ZFAND3: variants seen among roughly 807,000 people sequenced by gnomAD.
ZFAND3 encodes the protein AN1-type zinc finger protein 3.
ZFAND3 carries 10 observed loss-of-function variants against 29.6 expected under a neutral mutation model. The ratio of observed to expected loss-of-function variants is 0.34; its 90% CI spans 0.21 to 0.57. The LOEUF is 0.57. Ranked by LOEUF, ZFAND3 falls within the 20% of genes least tolerant of loss-of-function variation. The probability of loss-of-function intolerance (pLI) is 0.86; values close to 1 mark genes in which losing one functional copy is unlikely to be tolerated. For synonymous variants in ZFAND3, 128 were observed against 112.6 expected (o/e 1.14, Z -0.87); for missense variants, 230 against 304.5 (o/e 0.76, Z 1.82).
At chr6:37,861,472 T>C (rs541305215) in intron 1 of ZFAND3, among the ~76,000 whole-genome samples, 1 of 151,852 alleles carries the variant, frequency 6.6e-6, no homozygotes, top group African/African-American at 2.4e-5. Context: ...AGTAGGAAAT[T>C]AGTGTAATTT....
intron 4 of ZFAND3, among the ~76,000 whole-genome samples, 172 bp from the exon 5 acceptor site, chr6:38,116,400 G>T (rs568965301): frequency 2.6e-5 from 4 of 152,290 alleles, no homozygotes; most frequent in African/African-American, 7.2e-5. Context: ...AAAGGTACAC[G>T]TTTGTCATAG....
intron 2 of ZFAND3, among the ~76,000 whole-genome samples, chr6:38,030,057 T>TGG (rs1763525901): frequency 4.8e-5 from 1 of 20,912 alleles, no homozygotes; most frequent in African/African-American, 1.9e-4. Context: ...GCTGGATATA[T>TGG]ATATATATAT....
At chr6:37,871,360 A>G (rs1462362371) in intron 1 of ZFAND3, among the ~76,000 whole-genome samples, 2 of 152,140 alleles carry the variant, frequency 1.3e-5, no homozygotes, top group Admixed American at 1.3e-4. Flanking sequence ...TTAAGAGACT[A>G]TTTTACTCTT....
intron 2 of ZFAND3, among the ~76,000 whole-genome samples, chr6:38,036,014 G>T (rs965349761): frequency 4.6e-5 from 7 of 152,170 alleles, no homozygotes; most frequent in African/African-American, 1.7e-4. Flanking sequence ...CCATGTTATG[G>T]AAAGTCTCCT....
chr6:37,940,885 G>A (rs9470731), intron 2 of ZFAND3, among the ~76,000 whole-genome samples: 4,527 of 152,298 alleles, frequency 0.03, 177 homozygotes, highest in African/African-American at 0.086. Context: ...AGATATTTTA[G>A]TAGTGGAACA....
intron 2 of ZFAND3, among the ~76,000 whole-genome samples, chr6:38,047,141 A>G (rs900442066): frequency 6.6e-6 from 1 of 151,870 alleles, no homozygotes; most frequent in African/African-American, 2.4e-5. Context: ...ACATGGTGAA[A>G]CCCCGTTTCT....
intron 2 of ZFAND3, among the ~76,000 whole-genome samples, chr6:38,004,543 A>G (rs958512424): frequency 8.7e-4 from 132 of 150,930 alleles, no homozygotes; most frequent in African/African-American, 3.1e-3. Context: ...CTACACACAC[A>G]CACACACACA....
chr6:37,953,505 T>C (rs1581788705), intron 2 of ZFAND3, among the ~76,000 whole-genome samples: 1 of 141,522 alleles, frequency 7.1e-6, no homozygotes, highest in Non-Finnish European at 1.5e-5. Flanking sequence ...GAGGCTGGAG[T>C]GCAGTGGTGT....
intron 2 of ZFAND3, among the ~76,000 whole-genome samples, chr6:37,985,529 C>CACACACACACACACACA (rs33984396): frequency 5.2e-4 from 47 of 89,752 alleles, no homozygotes; most frequent in African/African-American, 1.5e-3. Flanking sequence ...ACACACACAC[C>CACACACACACACACACA]CCCACACACG....
chr6:38,008,859 G>C (rs2127442731), intron 2 of ZFAND3, among the ~76,000 whole-genome samples: 1 of 150,624 alleles, frequency 6.6e-6, no homozygotes, highest in Non-Finnish European at 1.5e-5. Flanking sequence ...GCTGTGATCT[G>C]TAAAAAAAAA....
At position 38,144,192 on chromosome 6, in the gene ZFAND3, T is replaced by TTATATATATATATA. The variant is rs1562015751; in HGVS notation, c.530-8043_530-8042insTATATATATATATA. On this transcript the variant is annotated intron_variant, in intron 5 of 5. Coordinates refer to ENST00000287218, the MANE Select transcript of ZFAND3 (RefSeq NM_021943.3). The stretch of plus-strand genomic sequence containing the variant: ...ATGTGATATATATATATAATATATA[T>TTATATATATATATA]ATATATATATATATATATAATATAT... Among the ~76,000 whole-genome samples the TTATATATATATATA allele has an allele frequency of 5.4e-4, 22 of 40,762 alleles. 2 individuals are homozygous for TTATATATATATATA. The highest frequency in any genetic ancestry group is 3.0e-3 in the African/African-American group (22 of 7,232). 26.7% of individuals were successfully genotyped at this position (40,762 alleles called of 152,430 possible).
chr6:38,077,852 T>A (rs1323522682), intron 3 of ZFAND3, among the ~76,000 whole-genome samples: 1 of 152,216 alleles, frequency 6.6e-6, no homozygotes. Context: ...GTTCTTGACT[T>A]CCTCCTTGAG....
At chr6:38,141,355 C>T (rs781681634) in intron 5 of ZFAND3, among the ~76,000 whole-genome samples, 27 of 152,200 alleles carry the variant, frequency 1.8e-4, no homozygotes, top group Non-Finnish European at 2.6e-4. Flanking sequence ...AACTTGGCAA[C>T]ACATGCTCTG....
At chr6:37,960,013 A>G (rs1762165284) in intron 2 of ZFAND3, among the ~76,000 whole-genome samples, 4 of 152,334 alleles carry the variant, frequency 2.6e-5, no homozygotes, top group African/African-American at 7.2e-5. Flanking sequence ...CTTAAAGTCT[A>G]ATTGGGGAGG....
chr6:37,854,754 A>G (rs1057491148), intron 1 of ZFAND3, among the ~76,000 whole-genome samples: 1 of 130,804 alleles, frequency 7.6e-6, no homozygotes, highest in Non-Finnish European at 1.6e-5. Context: ...GAGACTACAT[A>G]GGCTAAAATG....
chr6:38,061,800 G>T (rs375096774), intron 3 of ZFAND3, 25 bp downstream of exon 3: 11 of 1,611,566 alleles, frequency 6.8e-6, no homozygotes, highest in Non-Finnish European at 8.5e-6. Context: ...TCTGAGGGGT[G>T]GTAGAGAGAG....
chr6:37,927,169 A>G (rs1450276014), intron 1 of ZFAND3, among the ~76,000 whole-genome samples: 9 of 152,234 alleles, frequency 5.9e-5, no homozygotes, highest in African/African-American at 2.2e-4. Flanking sequence ...TTTTAAATAC[A>G]TAAATTATCT....
rs62396964 is a variant in ZFAND3 at position 37,952,936 on chromosome 6, A to C, written c.112+22937A>C. ...TCGGTGGGAAATATTCTTCCTGGCT[A>C]TGTCTAGTTGCCCATCTTGGCTCTT... On this transcript the variant is annotated intron_variant, in intron 2 of 5. Coordinates refer to ENST00000287218, the MANE Select transcript of ZFAND3 (RefSeq NM_021943.3). 9.3e-3 allele frequency among the ~76,000 whole-genome samples: 1,381 copies of C among 148,956 alleles called. 14 individuals are homozygous for C. The highest frequency in any genetic ancestry group is 0.016 in the Non-Finnish European group (1,083 of 67,314).
chr6:37,984,067 A>C (rs1464157087), intron 2 of ZFAND3, among the ~76,000 whole-genome samples: 1 of 152,166 alleles, frequency 6.6e-6, no homozygotes, highest in Admixed American at 6.5e-5. Flanking sequence ...GCACAGTTGG[A>C]TATAATTGAT....
Sources: gnomAD v4.1 joint callset for allele counts (sites outside exome capture counted in the v4.1 genomes callset) on GRCh38, gnomAD v4.1.1 for gene constraint, MANE v1.5 for transcripts, NCBI Gene and HGNC (gene_info 2026-07-23, HGNC 2026-07-21) for gene names.